SCLT1: variants seen among roughly 807,000 people sequenced by gnomAD.
The protein encoded by SCLT1 is sodium channel and clathrin linker 1, also known as sodium channel-associated protein 1.
In SCLT1, 78 loss-of-function variants were observed where a neutral mutation model predicts 112.8. That is an observed-to-expected ratio of 0.69 (90% confidence interval 0.58 to 0.83). SCLT1 has a LOEUF of 0.83. Ranked by LOEUF, SCLT1 falls within the 40% of genes least tolerant of loss-of-function variation. The pLI is 0.00. For missense variants in SCLT1, 747 were observed against 770.4 expected (o/e 0.97, Z 0.36); for synonymous variants, 257 against 254.7 (o/e 1.01, Z -0.09).
Position 129,093,464 on chromosome 4 carries a change from G to T in SCLT1, c.-361C>A, listed in dbSNP as rs1402264189. 2 of 255,198 alleles carry T rather than the reference G, an allele frequency of 7.8e-6. No homozygotes were observed. The highest frequency in any genetic ancestry group is 8.9e-5 in the South Asian group (1 of 11,178). The allele number at this position is 255,198 out of a possible 1,614,324, so 15.8% of individuals were successfully genotyped here. On this transcript the variant is annotated 5_prime_UTR_variant, in exon 1 of 21. Transcript: ENST00000281142. The stretch of plus-strand genomic sequence containing the variant: ...AGCTTGACGGCAGCCTGAGAGCGGC[G>T]TTCTACGCGGAGCGGCGGGGGTTGG...
intron 18 of SCLT1, among the ~76,000 whole-genome samples, chr4:128,904,544 C>A (rs1405410401): frequency 6.6e-6 from 1 of 152,156 alleles, no homozygotes; most frequent in Non-Finnish European, 1.5e-5. Context: ...CCTTCCCTCT[C>A]TTCTCCTGAG....
In SCLT1 at chr4:128,975,070, G is replaced by A. The variant is rs1383238734; in HGVS notation, c.687-4602C>T. Among the ~76,000 whole-genome samples the A allele has an allele frequency of 1.3e-4, 5 of 37,714 alleles. 1 individual carries two copies. The highest frequency in any genetic ancestry group is 1.2e-3 in the Admixed American group (4 of 3,374). 24.7% of individuals were successfully genotyped at this position (37,714 alleles called of 152,430 possible). Reference sequence around the variant, plus strand: ...TTTTTTTTTTTTGAGATGGAGTCTCGCTCTGTTGCCCAGGCTGGAGTGCAG... The same window carrying A: ...TTTTTTTTTTTTGAGATGGAGTCTCACTCTGTTGCCCAGGCTGGAGTGCAG... On this transcript the variant is annotated intron_variant, in intron 9 of 20. Coordinates refer to ENST00000281142, the MANE Select transcript of SCLT1 (RefSeq NM_144643.4).
intron 9 of SCLT1, chr4:128,971,199 T>C (rs997930543): frequency 3.3e-5 from 5 of 152,092 alleles, no homozygotes; most frequent in East Asian, 1.9e-4. Context: ...CTAAAGAACA[T>C]ACATTTTCAA....
chr4:128,883,488 T>C (rs1367246574), downstream of SCLT1, among the ~76,000 whole-genome samples: 1 of 152,098 alleles, frequency 6.6e-6, no homozygotes, highest in East Asian at 1.9e-4. Flanking sequence ...CAAACCACTA[T>C]GGCACAGGTA....
At chr4:128,933,256 G>T (rs540638291) in intron 18 of SCLT1, among the ~76,000 whole-genome samples, 1 of 152,102 alleles carries the variant, frequency 6.6e-6, no homozygotes, top group Non-Finnish European at 1.5e-5. Context: ...ATAAACACTT[G>T]ATTTTTCCTT....
chr4:128,899,758 T>C (rs934499883), intron 18 of SCLT1, among the ~76,000 whole-genome samples: 1 of 152,190 alleles, frequency 6.6e-6, no homozygotes, highest in Non-Finnish European at 1.5e-5. Context: ...GATGACATGA[T>C]TGTATATCTA....
chr4:128,917,246 C>T lies in SCLT1; in HGVS notation c.1829+19409G>A, dbSNP rs76060207. 5.5e-3 allele frequency among the ~76,000 whole-genome samples: 839 copies of T among 152,262 alleles called. 14 individuals carry two copies. Among genetic ancestry groups the T allele is most frequent in the African/African-American group, 0.019 (788 of 41,562 alleles). ...TCCAGGGAACTGTGAGCATAACAAA[C>T]TGTAAAACTCTTTCCATTTTCTCTC... On this transcript the variant is annotated intron_variant, in intron 18 of 20. Coordinates refer to ENST00000281142, the MANE Select transcript of SCLT1 (RefSeq NM_144643.4).
chr4:128,901,770 A>G (rs1428299045), intron 18 of SCLT1, among the ~76,000 whole-genome samples: 3 of 152,012 alleles, frequency 2.0e-5, no homozygotes, highest in Non-Finnish European at 1.5e-5. Context: ...TACACATCAA[A>G]TCTCTATGAT....
At chr4:129,087,650 A>T (rs1172794445) in intron 1 of SCLT1, among the ~76,000 whole-genome samples, 2 of 150,072 alleles carry the variant, frequency 1.3e-5, no homozygotes, top group Non-Finnish European at 3.0e-5. Context: ...GCTACTCAAG[A>T]GGGTGAGGCA....
At chr4:129,081,358 C>T (rs1281815035) in intron 2 of SCLT1, among the ~76,000 whole-genome samples, 1 of 152,202 alleles carries the variant, frequency 6.6e-6, no homozygotes, top group Non-Finnish European at 1.5e-5. Context: ...GTCCCCTGGA[C>T]CCACCTTTTA....
intron 5 of SCLT1, among the ~76,000 whole-genome samples, chr4:129,005,552 C>T (rs901324417): frequency 6.6e-5 from 10 of 152,094 alleles, no homozygotes; most frequent in East Asian, 1.9e-4. Flanking sequence ...ATAGGAACAC[C>T]TTTACACTGT....
intron 18 of SCLT1, among the ~76,000 whole-genome samples, chr4:128,931,122 G>C (rs960224295): frequency 1.3e-5 from 2 of 151,876 alleles, no homozygotes; most frequent in East Asian, 1.9e-4. Context: ...ACTGAGTGGT[G>C]GGGGGAGAGA....
intron 1 of SCLT1, among the ~76,000 whole-genome samples, chr4:129,086,326 T>C (rs1752395304): frequency 1.3e-5 from 2 of 151,902 alleles, no homozygotes; most frequent in African/African-American, 4.8e-5. Context: ...TATATATATA[T>C]ATATATATAT....
chr4:128,975,461 T>C (rs1189901582), intron 9 of SCLT1, among the ~76,000 whole-genome samples: 2 of 152,174 alleles, frequency 1.3e-5, no homozygotes, highest in African/African-American at 2.4e-5. Context: ...ATGCTTTAAT[T>C]ATCAATACAC....
chr4:129,070,044 G>A lies in SCLT1; in HGVS notation c.102+12262C>T, dbSNP rs549316942. Among the ~76,000 whole-genome samples, 31 of 152,194 alleles carry A rather than the reference G, an allele frequency of 2.0e-4. No individual in the cohort carries two copies. In the South Asian group the frequency reaches 6.4e-3, roughly 32 times the overall value. ...TTCTTCTGTTTTTAATTCTGTTTAT[G>A]TTGAGTATCACACGTATTGACTTGC... On this transcript the variant is annotated intron_variant, in intron 2 of 20. Transcript: ENST00000281142.
At chr4:128,944,388 C>T (rs981159934) in intron 16 of SCLT1, among the ~76,000 whole-genome samples, 6 of 151,912 alleles carry the variant, frequency 3.9e-5, no homozygotes, top group African/African-American at 1.4e-4. Context: ...CCAAAAACAA[C>T]AACAACAAAA....
At chr4:128,899,350 G>A (rs1264735899) in intron 18 of SCLT1, among the ~76,000 whole-genome samples, 4 of 152,148 alleles carry the variant, frequency 2.6e-5, no homozygotes, top group Non-Finnish European at 5.9e-5. Context: ...TTCATCCCTG[G>A]GATGCCAGGC....
At chr4:129,088,900 C>G (rs1401266503) in intron 1 of SCLT1, among the ~76,000 whole-genome samples, 1 of 152,166 alleles carries the variant, frequency 6.6e-6, no homozygotes, top group Non-Finnish European at 1.5e-5. Flanking sequence ...TATAAAAACC[C>G]TAGAAGAAAA....
At chr4:128,999,617 C>A (rs937550173) in intron 7 of SCLT1, 55 bp downstream of exon 7, 9 of 1,424,432 alleles carry the variant, frequency 6.3e-6, no homozygotes, top group Admixed American at 5.5e-5. Context: ...AAAACAGTTT[C>A]TTCAGAGTGC....
Sources: allele counts gnomAD v4.1 joint callset (sites outside exome capture counted in the v4.1 genomes callset), GRCh38; gene constraint gnomAD v4.1.1; transcripts MANE v1.5; gene names NCBI Gene and HGNC (gene_info 2026-07-23, HGNC 2026-07-21).